ZNF846: variants seen among roughly 807,000 people sequenced by gnomAD.
The protein encoded by ZNF846 is zinc finger protein 846.
A neutral mutation model predicts 16.0 loss-of-function variants in ZNF846; 15 were observed. That is an observed-to-expected ratio of 0.94 (90% confidence interval 0.63 to 1.45). The LOEUF (loss-of-function observed/expected upper bound fraction) is 1.45. Ranked by LOEUF, ZNF846 falls within the 40% of genes most tolerant of loss-of-function variation. ZNF846 has a pLI of 0.00. For missense variants in ZNF846, 714 were observed against 622.3 expected, an observed-to-expected ratio of 1.15 and a Z score of -1.57; for synonymous variants, 229 against 212.0, an observed-to-expected ratio of 1.08 and a Z score of -0.70.
At chr19:9,753,003 T>C (rs540172066), downstream of ZNF846, among the ~76,000 whole-genome samples, 91 of 149,710 alleles carry the variant, frequency 6.1e-4, 1 homozygote, top group South Asian at 0.018. Flanking sequence ...AGATTCAGTG[T>C]CAGATGAGGG....
Position 9,758,314 on chromosome 19 carries a change from CAT to C in ZNF846, c.761_762del (p.Tyr254CysfsTer3). ...AAAGCTTTACCACATTCTTTACAGA[CAT>C]AGGGCTTCTCTCCACTGTGAATTCT... On this transcript the variant is annotated frameshift_variant, in exon 6 of 6. Transcript: ENST00000397902. LOFTEE classifies it low-confidence loss of function (END_TRUNC). 1 of 1,612,900 alleles carries C rather than the reference CAT, an allele frequency of 6.2e-7. No homozygotes were observed. The highest frequency in any genetic ancestry group is 8.5e-7 in the Non-Finnish European group (1 of 1,179,856).
downstream of ZNF846, among the ~76,000 whole-genome samples, chr19:9,749,392 C>T (rs772470465): frequency 4.6e-5 from 7 of 152,030 alleles, no homozygotes; most frequent in South Asian, 2.1e-4. Context: ...CCCTTGTTTA[C>T]GCTGCCAGTT....
At chr19:9,763,458 T>G in intron 2 of ZNF846, 50 bp from the exon 3 acceptor site, 1 of 1,531,786 alleles carries the variant, frequency 6.5e-7, no homozygotes. Context: ...TCTCCTTTGA[T>G]GTTCTGAGAA....
At chr19:9,748,719 G>A (rs913663886), downstream of ZNF846, among the ~76,000 whole-genome samples, 2 of 152,050 alleles carry the variant, frequency 1.3e-5, no homozygotes, top group Admixed American at 6.6e-5. Context: ...AAAAAGACTG[G>A]ACAGTACTTT....
downstream of ZNF846, among the ~76,000 whole-genome samples, chr19:9,755,795 G>A (rs1400679511): frequency 1.9e-4 from 8 of 42,800 alleles, no homozygotes; most frequent in East Asian, 2.3e-3. Flanking sequence ...GCGAGACTCC[G>A]TCTCAAAAAA....
intron 1 of ZNF846, among the ~76,000 whole-genome samples, chr19:9,765,401 G>A (rs894263000): frequency 6.6e-6 from 1 of 151,166 alleles, no homozygotes; most frequent in African/African-American, 2.4e-5. Context: ...GGCCAGGCAC[G>A]GTGGCTGACA....
intron 1 of ZNF846, among the ~76,000 whole-genome samples, chr19:9,782,073 G>A (rs557575402): frequency 3.3e-5 from 5 of 151,594 alleles, no homozygotes; most frequent in Admixed American, 6.6e-5. Flanking sequence ...CACCGCACCC[G>A]GCCTAATAAT....
At chr19:9,775,012 A>C in intron 1 of ZNF846, 1 of 1,509,426 alleles carries the variant, frequency 6.6e-7, no homozygotes. Flanking sequence ...CATGCAGTGC[A>C]TTCAGACACC....
chr19:9,782,139 C>T (rs2145322592), intron 1 of ZNF846, among the ~76,000 whole-genome samples: 1 of 152,250 alleles, frequency 6.6e-6, no homozygotes, highest in South Asian at 2.1e-4. Flanking sequence ...TATTTTTCTT[C>T]CCTTCCAGAA....
chr19:9,769,071 T>C (rs2145274906), upstream of ZNF846, among the ~76,000 whole-genome samples: 1 of 152,272 alleles, frequency 6.6e-6, no homozygotes, highest in South Asian at 2.1e-4. Flanking sequence ...AGTGCTTTTC[T>C]TTTCTTTTTT....
At chr19:9,785,011 C>T (rs2045543182) in intron 1 of ZNF846, among the ~76,000 whole-genome samples, 2 of 152,084 alleles carry the variant, frequency 1.3e-5, no homozygotes, top group African/African-American at 4.8e-5. Context: ...GACACAGTAA[C>T]AGTCTGATCT....
At chr19:9,770,774 C>T (rs1406587474), upstream of ZNF846, among the ~76,000 whole-genome samples, 2 of 152,006 alleles carry the variant, frequency 1.3e-5, no homozygotes, top group Non-Finnish European at 2.9e-5. Flanking sequence ...GAGGCTGAGG[C>T]AGGAGAATCA....
At chr19:9,769,664 G>A (rs2045371588), upstream of ZNF846, among the ~76,000 whole-genome samples, 2 of 151,940 alleles carry the variant, frequency 1.3e-5, no homozygotes, top group South Asian at 4.2e-4. Flanking sequence ...CGAGACCAGC[G>A]ACACCCTGTT....
chr19:9,755,346 G>C (rs1372928354), downstream of ZNF846, among the ~76,000 whole-genome samples: 3 of 151,488 alleles, frequency 2.0e-5, no homozygotes, highest in Non-Finnish European at 4.4e-5. Context: ...AAGACACATA[G>C]AAAGGCAATC....
rs749089841 is a variant in ZNF846 at position 9,758,765 on chromosome 19, C to T, written c.313-1G>A. The T allele has an allele frequency of 6.5e-7, 1 of 1,542,550 alleles. No homozygotes were observed. The highest frequency in any genetic ancestry group is 8.7e-7 in the Non-Finnish European group (1 of 1,147,222). On this transcript the variant is annotated splice_acceptor_variant, in intron 5 of 5. Transcript: ENST00000397902. LOFTEE classifies it high-confidence loss of function. ...GTTTCTCTGCAGTATTGCTTCTCTC[C>T]TGTTGAGATATAAAAGATGAATAAA...
downstream of ZNF846, among the ~76,000 whole-genome samples, chr19:9,754,567 A>AAAAAAAAAAAAAAAAAAAAAAAAAC (rs2045115945): frequency 6.8e-6 from 1 of 146,274 alleles, no homozygotes; most frequent in Non-Finnish European, 1.5e-5. Context: ...TCTGTCTTAA[A>AAAAAAAAAAAAAAAAAAAAAAAAAC]AAAAAAAAAA....
chr19:9,761,547 C>T (rs1270637264), intron 4 of ZNF846, among the ~76,000 whole-genome samples: 5 of 151,642 alleles, frequency 3.3e-5, no homozygotes, highest in Non-Finnish European at 1.5e-5. Context: ...CCCATCTCTA[C>T]AAAAATACAA....
At chr19:9,774,476 A>C (rs889168214) in intron 1 of ZNF846, 108 of 956,034 alleles carry the variant, frequency 1.1e-4, no homozygotes, top group Non-Finnish European at 1.6e-4. Context: ...TCAAAAAAAA[A>C]AAAAAAATAC....
At chr19:9,754,473 G>A (rs553194667), downstream of ZNF846, among the ~76,000 whole-genome samples, 6 of 145,932 alleles carry the variant, frequency 4.1e-5, no homozygotes, top group Non-Finnish European at 8.9e-5. Flanking sequence ...CTGAGGCAGA[G>A]AGAATTTCTG....
Sources: allele counts gnomAD v4.1 joint callset (sites outside exome capture counted in the v4.1 genomes callset), GRCh38; gene constraint gnomAD v4.1.1; transcripts MANE v1.5; gene names NCBI Gene and HGNC (gene_info 2026-07-23, HGNC 2026-07-21).